The following GABRB3 variants were observed in gnomAD, a reference collection of about 807,000 sequenced individuals.
GABRB3 encodes the protein gamma-aminobutyric acid type A receptor subunit beta3, also known as gamma-aminobutyric acid receptor subunit beta-3.
Under a neutral mutation model 52.1 loss-of-function variants are expected in GABRB3, and 14 were observed. The ratio of observed to expected loss-of-function variants is 0.27; its 90% CI spans 0.18 to 0.42. The LOEUF (loss-of-function observed/expected upper bound fraction) is 0.42, where lower values mean the gene tolerates loss of function less well. Ranked by LOEUF, GABRB3 falls within the 10% of genes least tolerant of loss-of-function variation. GABRB3 has a pLI of 1.00. For synonymous variants in GABRB3, 260 were observed against 232.3 expected, an observed-to-expected ratio of 1.12 and a Z score of -1.08; for missense variants, 307 against 609.1, an observed-to-expected ratio of 0.50 and a Z score of 5.22.
chr15:26,685,039 T>C (rs958910442), intron 3 of GABRB3, among the ~76,000 whole-genome samples: 13 of 152,098 alleles, frequency 8.5e-5, no homozygotes, highest in African/African-American at 3.1e-4. Flanking sequence ...GTGATAAAGT[T>C]AGATGTGCCT....
intron 3 of GABRB3, among the ~76,000 whole-genome samples, chr15:26,712,820 C>A (rs141475312): frequency 1.1e-4 from 16 of 152,070 alleles, no homozygotes; most frequent in Non-Finnish European, 2.1e-4. Flanking sequence ...CTGGGAGGCA[C>A]AGAGCAGATA....
At chr15:26,741,454 A>G (rs1890205123) in intron 3 of GABRB3, among the ~76,000 whole-genome samples, 1 of 152,196 alleles carries the variant, frequency 6.6e-6, no homozygotes. Context: ...CTATGACTTC[A>G]TCTCCCTGAC....
intron 6 of GABRB3, among the ~76,000 whole-genome samples, chr15:26,577,400 C>A (rs920528018): frequency 2.0e-5 from 3 of 152,216 alleles, no homozygotes; most frequent in Admixed American, 2.0e-4. Context: ...GCAATTCCAG[C>A]TACTAGGGAG....
At chr15:26,730,822 G>A (rs1486878589) in intron 3 of GABRB3, among the ~76,000 whole-genome samples, 2 of 152,176 alleles carry the variant, frequency 1.3e-5, no homozygotes, top group African/African-American at 2.4e-5. Context: ...ATACACTTCA[G>A]TTTCCTCATA....
At chr15:26,573,515 G>T (rs1261475052) in intron 6 of GABRB3, among the ~76,000 whole-genome samples, 1 of 152,164 alleles carries the variant, frequency 6.6e-6, no homozygotes, top group Admixed American at 6.5e-5. Context: ...AAAGAACAGG[G>T]ATGTTTGTTT....
intron 3 of GABRB3, among the ~76,000 whole-genome samples, chr15:26,627,874 C>G (rs1659892895): frequency 6.6e-6 from 1 of 152,198 alleles, no homozygotes; most frequent in Admixed American, 6.5e-5. Flanking sequence ...AAGTTCTACT[C>G]TGGGTAAAAT....
intron 4 of GABRB3, among the ~76,000 whole-genome samples, chr15:26,599,529 T>C (rs527684688): frequency 1.3e-5 from 2 of 152,186 alleles, no homozygotes; most frequent in Admixed American, 6.5e-5. Flanking sequence ...CTCTGCCTGA[T>C]AGCAGAGTCC....
intron 6 of GABRB3, among the ~76,000 whole-genome samples, chr15:26,572,095 A>G (rs1890426325): frequency 6.6e-6 from 1 of 152,034 alleles, no homozygotes; most frequent in Admixed American, 6.5e-5. Flanking sequence ...AATCAGCAAA[A>G]TGTTCCGGTA....
intron 3 of GABRB3, among the ~76,000 whole-genome samples, chr15:26,636,152 A>G (rs1177869648): frequency 6.6e-6 from 1 of 152,230 alleles, no homozygotes; most frequent in Non-Finnish European, 1.5e-5. Flanking sequence ...CGAAGGAGGG[A>G]AAACACAAGT....
chr15:26,554,041 T>TTATATTTATATTTA (rs1555400774), intron 8 of GABRB3, among the ~76,000 whole-genome samples: 1 of 62,106 alleles, frequency 1.6e-5, no homozygotes, highest in Non-Finnish European at 3.2e-5. Context: ...ATATATTTAT[T>TTATATTTATATTTA]TATTTATATT....
chr15:26,725,825 A>C (rs1889757023), intron 3 of GABRB3, among the ~76,000 whole-genome samples: 1 of 152,238 alleles, frequency 6.6e-6, no homozygotes, highest in African/African-American at 2.4e-5. Flanking sequence ...ATATTTAATA[A>C]TTTTGTGCAT....
chr15:26,566,382 A>G (rs1890173244), intron 7 of GABRB3, among the ~76,000 whole-genome samples: 2 of 152,300 alleles, frequency 1.3e-5, no homozygotes, highest in South Asian at 4.1e-4. Flanking sequence ...CTTACATTTT[A>G]TTAGAAAAGA....
At chr15:26,685,779 G>C (rs1212586741) in intron 3 of GABRB3, among the ~76,000 whole-genome samples, 1 of 150,452 alleles carries the variant, frequency 6.6e-6, no homozygotes, top group Non-Finnish European at 1.5e-5. Context: ...ATATTGGACT[G>C]ATCTCAGTAG....
rs10444897 is a variant in GABRB3 at position 26,554,055 on chromosome 15, T to A, written c.1081-5921A>T. ...TATATATTTATTTATTTATATTTATTTATATATAAAGTGTGTATATATATA... is the reference window on the plus strand; with the variant it reads ...TATATATTTATTTATTTATATTTATATATATATAAAGTGTGTATATATATA... On this transcript the variant is annotated intron_variant, in intron 8 of 8. Coordinates refer to ENST00000311550, the MANE Select transcript of GABRB3 (RefSeq NM_000814.6). Among the ~76,000 whole-genome samples the A allele has an allele frequency of 2.6e-3, 123 of 47,904 alleles. 3 individuals carry two copies. Among genetic ancestry groups the A allele is most frequent in the Non-Finnish European group, 4.2e-3 (89 of 21,240 alleles). 31.4% of individuals were successfully genotyped at this position (47,904 alleles called of 152,430 possible). A position where few individuals can be genotyped will look rare whatever the true frequency, so the allele number is the denominator to read the frequency against.
In GABRB3 at chr15:26,772,397, C is replaced by G. The variant is rs747510658; in HGVS notation, c.240+5G>C. 1 of 1,607,690 alleles carries G rather than the reference C, an allele frequency of 6.2e-7. No individual in the cohort carries two copies. Among genetic ancestry groups the G allele is most frequent in the African/African-American group, 1.3e-5 (1 of 74,850 alleles). On this transcript the variant is annotated splice_donor_5th_base_variant and intron_variant, in intron 3 of 8. Transcript: ENST00000311550. ...AGGGACCGCCCTGGGAGGGCGGGCA[C>G]TCACCATGTTGACTTCGGAAACCAT... is the stretch of plus-strand genomic sequence containing the variant.
intron 8 of GABRB3, among the ~76,000 whole-genome samples, chr15:26,548,403 T>G (rs1889339719): frequency 6.6e-6 from 1 of 152,212 alleles, no homozygotes; most frequent in South Asian, 2.1e-4. Context: ...AATTTCACAT[T>G]ATGGATACAA....
Position 26,576,404 on chromosome 15 carries a change from A to G in GABRB3, c.682+3915T>C, listed in dbSNP as rs145274316. Among the ~76,000 whole-genome samples, 794 of 152,290 alleles carry G rather than the reference A, an allele frequency of 5.2e-3. 10 individuals carry two copies. Among genetic ancestry groups the G allele is most frequent in the African/African-American group, 0.019 (772 of 41,564 alleles). On this transcript the variant is annotated intron_variant, in intron 6 of 8. Transcript: ENST00000311550. ...CTAAATTTTCTTCTTTTTTACGCTCATGTATTAGTAGTGCAAATTAAATAA... is the reference window on the plus strand; with the variant it reads ...CTAAATTTTCTTCTTTTTTACGCTCGTGTATTAGTAGTGCAAATTAAATAA...
At chr15:26,642,314 G>A (rs550502364) in intron 3 of GABRB3, 23 of 352,842 alleles carry the variant, frequency 6.5e-5, no homozygotes, top group Non-Finnish European at 1.1e-5. Flanking sequence ...GGTTCCACAG[G>A]ACTGACTATG....
chr15:26,635,244 G>T (rs1423991238), intron 3 of GABRB3, among the ~76,000 whole-genome samples: 1 of 151,612 alleles, frequency 6.6e-6, no homozygotes, highest in Non-Finnish European at 1.5e-5. Flanking sequence ...AAAGGTACTT[G>T]AACTGGGTGA....
Sources: allele counts gnomAD v4.1 joint callset (sites outside exome capture counted in the v4.1 genomes callset), GRCh38; gene constraint gnomAD v4.1.1; transcripts MANE v1.5; gene names NCBI Gene and HGNC (gene_info 2026-07-23, HGNC 2026-07-21).